The following PRKCE variants were observed in gnomAD, a reference collection of about 807,000 sequenced individuals.
The protein encoded by PRKCE is protein kinase C epsilon.
PRKCE carries 16 observed loss-of-function variants against 85.4 expected under a neutral mutation model. The observed-to-expected ratio is 0.19, with a 90% CI of 0.13 to 0.28. The LOEUF (loss-of-function observed/expected upper bound fraction) is 0.28, where lower values mean the gene tolerates loss of function less well. Ranked by LOEUF, PRKCE falls within the 10% of genes least tolerant of loss-of-function variation. The probability of loss-of-function intolerance (pLI) is 1.00; values close to 1 mark genes in which losing one functional copy is unlikely to be tolerated. For synonymous variants in PRKCE, 388 were observed against 371.5 expected (o/e 1.04, Z -0.51); for missense variants, 573 against 975.2 (o/e 0.59, Z 5.49).
At chr2:45,854,698 T>G (rs1424321946) in intron 2 of PRKCE, among the ~76,000 whole-genome samples, 1 of 152,192 alleles carries the variant, frequency 6.6e-6, no homozygotes, top group Admixed American at 6.5e-5. Context: ...CATGAGAAAG[T>G]TTCCTAATCT....
intron 10 of PRKCE, among the ~76,000 whole-genome samples, chr2:46,056,718 G>A (rs1028510121): frequency 2.6e-5 from 4 of 152,158 alleles, no homozygotes; most frequent in Admixed American, 2.0e-4. Context: ...CCATCATCAT[G>A]TCATCCTTCC....
intron 2 of PRKCE, among the ~76,000 whole-genome samples, chr2:45,855,520 T>G (rs927542358): frequency 6.6e-6 from 1 of 152,220 alleles, no homozygotes; most frequent in African/African-American, 2.4e-5. Flanking sequence ...CCTTAATGTC[T>G]CTCTCGTGTA....
intron 11 of PRKCE, among the ~76,000 whole-genome samples, chr2:46,091,241 C>T (rs1267279553): frequency 6.6e-6 from 1 of 152,146 alleles, no homozygotes; most frequent in African/African-American, 2.4e-5. Context: ...TGGCATTTAA[C>T]CACCTGCCCT....
At chr2:45,757,305 C>CA (rs35603923) in intron 1 of PRKCE, among the ~76,000 whole-genome samples, 620 of 50,798 alleles carry the variant, frequency 0.012, 51 homozygotes, top group Non-Finnish European at 0.016. Flanking sequence ...AGACTGTCTC[C>CA]AAAAAAAAAA....
chr2:45,681,007 T>G (rs1451209022), intron 1 of PRKCE, among the ~76,000 whole-genome samples: 1 of 152,158 alleles, frequency 6.6e-6, no homozygotes, highest in Non-Finnish European at 1.5e-5. Context: ...ATAGCATTTT[T>G]GGGCTGAGTG....
intron 12 of PRKCE, among the ~76,000 whole-genome samples, chr2:46,148,192 T>C (rs1165740670): frequency 6.6e-6 from 1 of 152,228 alleles, no homozygotes; most frequent in Non-Finnish European, 1.5e-5. Context: ...CCTTTGGTAA[T>C]AGCATCATCA....
chr2:45,756,379 A>G (rs1468042), intron 1 of PRKCE, among the ~76,000 whole-genome samples: 97,258 of 152,066 alleles, frequency 0.64, 31,891 homozygotes, highest in African/African-American at 0.79. Flanking sequence ...AAAGTACAAA[A>G]CTTCAGATGT....
chr2:45,655,075 A>G (rs751902911), intron 1 of PRKCE, among the ~76,000 whole-genome samples: 1 of 152,198 alleles, frequency 6.6e-6, no homozygotes, highest in Non-Finnish European at 1.5e-5. Context: ...GGAACACCGA[A>G]TTCTGCCGCA....
At chr2:46,025,308 C>T (rs1259531437) in intron 10 of PRKCE, among the ~76,000 whole-genome samples, 1 of 152,162 alleles carries the variant, frequency 6.6e-6, no homozygotes, top group East Asian at 1.9e-4. Context: ...GGAACACACA[C>T]CCCCAGCCAG....
At chr2:45,796,061 C>T (rs1687411479) in intron 1 of PRKCE, among the ~76,000 whole-genome samples, 1 of 152,246 alleles carries the variant, frequency 6.6e-6, no homozygotes, top group African/African-American at 2.4e-5. Context: ...GTTCTTCACA[C>T]CTCTGTGCCT....
intron 11 of PRKCE, among the ~76,000 whole-genome samples, chr2:46,114,222 C>A (rs1006928690): frequency 2.6e-5 from 4 of 152,002 alleles, no homozygotes; most frequent in Non-Finnish European, 5.9e-5. Flanking sequence ...GTATAAACTT[C>A]GGGGGTATAA....
intron 1 of PRKCE, among the ~76,000 whole-genome samples, chr2:45,653,190 A>G (rs928333007): frequency 5.3e-5 from 8 of 152,140 alleles, no homozygotes; most frequent in African/African-American, 1.9e-4. Flanking sequence ...GATACTGTGC[A>G]ATAAAAGACG....
intron 1 of PRKCE, among the ~76,000 whole-genome samples, chr2:45,711,477 T>G (rs1035532259): frequency 3.9e-5 from 6 of 152,346 alleles, no homozygotes; most frequent in Admixed American, 3.9e-4. Context: ...AAAGTCCTTA[T>G]TTCACAAGAT....
intron 1 of PRKCE, among the ~76,000 whole-genome samples, chr2:45,653,475 C>T (rs1251359131): frequency 7.2e-6 from 1 of 138,338 alleles, no homozygotes; most frequent in Admixed American, 8.1e-5. Flanking sequence ...CCAGCAAGTA[C>T]AAGCGTTCCT....
intron 1 of PRKCE, among the ~76,000 whole-genome samples, chr2:45,674,466 T>G (rs1676326754): frequency 6.6e-6 from 1 of 152,214 alleles, no homozygotes; most frequent in South Asian, 2.1e-4. Context: ...AGGCTATTTC[T>G]GAGATCATAC....
chr2:45,788,458 A>G (rs1370069450), intron 1 of PRKCE, among the ~76,000 whole-genome samples: 1 of 152,174 alleles, frequency 6.6e-6, no homozygotes, highest in Non-Finnish European at 1.5e-5. Context: ...TTTTACGTGC[A>G]GTGTCTACTT....
At chr2:45,879,212 G>A (rs1029981793) in intron 2 of PRKCE, among the ~76,000 whole-genome samples, 4 of 152,220 alleles carry the variant, frequency 2.6e-5, no homozygotes, top group African/African-American at 7.2e-5. Flanking sequence ...GAAGCAGCTC[G>A]ACTTCAGAGG....
intron 2 of PRKCE, among the ~76,000 whole-genome samples, chr2:45,890,870 G>T (rs976883163): frequency 6.6e-6 from 1 of 152,198 alleles, no homozygotes; most frequent in African/African-American, 2.4e-5. Context: ...ATTATGCAAT[G>T]GAAGTGGATT....
chr2:45,862,180 GTA>G (rs940123887), intron 2 of PRKCE, among the ~76,000 whole-genome samples: 9 of 132,768 alleles, frequency 6.8e-5, no homozygotes, highest in Non-Finnish European at 1.4e-4. Flanking sequence ...CTTTCTTCTT[GTA>G]TACACACACA....
Sources: allele counts gnomAD v4.1 joint callset (sites outside exome capture counted in the v4.1 genomes callset), GRCh38; gene constraint gnomAD v4.1.1; transcripts MANE v1.5; gene names NCBI Gene and HGNC (gene_info 2026-07-23, HGNC 2026-07-21).